The following SORCS2 variants were observed in gnomAD, a reference collection of about 807,000 sequenced individuals.
SORCS2 encodes the protein VPS10 domain-containing receptor SorCS2.
In SORCS2, 100 loss-of-function variants were observed where a neutral mutation model predicts 141.6. That is an observed-to-expected ratio of 0.71 (90% CI 0.60 to 0.83). The LOEUF is 0.83. Among genes scored for constraint, SORCS2 ranks in the 40% least tolerant of loss-of-function variants. The pLI, the probability that SORCS2 is intolerant of heterozygous loss-of-function variation, is 0.00. For synonymous variants in SORCS2, 789 were observed against 676.9 expected, an observed-to-expected ratio of 1.17 and a Z score of -2.57; for missense variants, 1,646 against 1,560.2, an observed-to-expected ratio of 1.05 and a Z score of -0.93.
intron 11 of SORCS2, among the ~76,000 whole-genome samples, chr4:7,696,350 C>T (rs4689827): frequency 0.25 from 38,018 of 152,148 alleles, 5,316 homozygotes; most frequent in East Asian, 0.61. Flanking sequence ...TCTGTCTCAT[C>T]AGAAATCCTT....
At chr4:7,652,966 T>C (rs986729076) in intron 4 of SORCS2, among the ~76,000 whole-genome samples, 1 of 152,054 alleles carries the variant, frequency 6.6e-6, no homozygotes, top group African/African-American at 2.4e-5. Context: ...CCATTTAACA[T>C]TGTGCTCCCT....
chr4:7,196,191 T>C (rs1181114782), intron 1 of SORCS2, among the ~76,000 whole-genome samples: 1 of 152,182 alleles, frequency 6.6e-6, no homozygotes, highest in African/African-American at 2.4e-5. Context: ...AAACAAATTG[T>C]TATGTGTGAA....
chr4:7,640,696 G>A (rs903090994), intron 4 of SORCS2, among the ~76,000 whole-genome samples: 5 of 152,150 alleles, frequency 3.3e-5, no homozygotes, highest in East Asian at 1.9e-4. Context: ...CAGGTTCTAA[G>A]GATTAGGACA....
chr4:7,606,654 A>G (rs1196905398), intron 3 of SORCS2, among the ~76,000 whole-genome samples: 2 of 151,946 alleles, frequency 1.3e-5, no homozygotes, highest in Non-Finnish European at 2.9e-5. Context: ...TTGGGTCTGC[A>G]TTATCCTGTG....
intron 1 of SORCS2, among the ~76,000 whole-genome samples, chr4:7,343,128 T>C (rs1188968049): frequency 6.6e-6 from 1 of 152,190 alleles, no homozygotes; most frequent in African/African-American, 2.4e-5. Flanking sequence ...ACAGGAGCAT[T>C]AGGAGGGCAG....
intron 11 of SORCS2, among the ~76,000 whole-genome samples, chr4:7,692,852 C>T (rs1001122072): frequency 2.0e-5 from 3 of 152,124 alleles, no homozygotes; most frequent in African/African-American, 4.8e-5. Flanking sequence ...GCTGGGGTCT[C>T]GAGCTCGAGG....
intron 1 of SORCS2, among the ~76,000 whole-genome samples, chr4:7,261,499 C>T (rs1028210428): frequency 6.6e-6 from 1 of 152,224 alleles, no homozygotes; most frequent in Non-Finnish European, 1.5e-5. Context: ...TTGCTGTTTA[C>T]TCCTTCCTTT....
chr4:7,737,539 G>A (rs756843727), intron 26 of SORCS2, among the ~76,000 whole-genome samples: 6 of 152,186 alleles, frequency 3.9e-5, no homozygotes, highest in Admixed American at 6.5e-5. Context: ...TTCCCCCACA[G>A]CCGCTCCCTC....
intron 9 of SORCS2, among the ~76,000 whole-genome samples, chr4:7,682,335 T>G (rs895282583): frequency 5.3e-5 from 8 of 152,034 alleles, no homozygotes; most frequent in African/African-American, 1.9e-4. Context: ...CCAGGATGTG[T>G]GGTCCAATAG....
At chr4:7,245,661 G>C (rs1713034142) in intron 1 of SORCS2, among the ~76,000 whole-genome samples, 1 of 152,230 alleles carries the variant, frequency 6.6e-6, no homozygotes, top group South Asian at 2.1e-4. Flanking sequence ...ATTGGTGGTG[G>C]TGGTGTTATG....
chr4:7,409,007 TA>T (rs1725141658), intron 2 of SORCS2, among the ~76,000 whole-genome samples: 1 of 152,200 alleles, frequency 6.6e-6, no homozygotes, highest in Non-Finnish European at 1.5e-5. Context: ...GAAGTTTTCT[TA>T]AAGATGCAGT....
At chr4:7,638,607 G>A (rs1577878270) in intron 4 of SORCS2, 115 bp downstream of exon 4, 1 of 1,140,238 alleles carries the variant, frequency 8.8e-7, no homozygotes, top group Non-Finnish European at 1.2e-6. Flanking sequence ...GCTGGCTGAG[G>A]AGGAGCCTCC....
intron 3 of SORCS2, among the ~76,000 whole-genome samples, chr4:7,547,668 C>G (rs1034512652): frequency 1.3e-5 from 2 of 152,212 alleles, no homozygotes; most frequent in Non-Finnish European, 2.9e-5. Context: ...CCCTCCCAAC[C>G]CCAGATCAGC....
chr4:7,626,163 TATAA>T (rs935818997), intron 3 of SORCS2, among the ~76,000 whole-genome samples: 3 of 151,870 alleles, frequency 2.0e-5, no homozygotes, highest in African/African-American at 7.2e-5. Flanking sequence ...AATAAATAAA[TATAA>T]ATAAATAAAT....
At chr4:7,623,368 G>A (rs1158460765) in intron 3 of SORCS2, among the ~76,000 whole-genome samples, 1 of 152,052 alleles carries the variant, frequency 6.6e-6, no homozygotes, top group African/African-American at 2.4e-5. Context: ...GGCTTTGAAA[G>A]CTCACCATGC....
intron 1 of SORCS2, among the ~76,000 whole-genome samples, chr4:7,365,515 T>A (rs78341267): frequency 0.011 from 1,625 of 152,168 alleles, 37 homozygotes; most frequent in East Asian, 0.095. Flanking sequence ...GTTGTTGCTT[T>A]CAAATGTTTT....
intron 3 of SORCS2, among the ~76,000 whole-genome samples, chr4:7,576,626 G>T (rs529862129): frequency 6.6e-6 from 1 of 152,220 alleles, no homozygotes; most frequent in African/African-American, 2.4e-5. Flanking sequence ...GATCTAAGAC[G>T]TGGTGACAGA....
intron 1 of SORCS2, among the ~76,000 whole-genome samples, chr4:7,293,557 T>C (rs1314329576): frequency 1.3e-5 from 2 of 152,186 alleles, no homozygotes; most frequent in Non-Finnish European, 2.9e-5. Flanking sequence ...ATCTTTTCCC[T>C]AGGAGAGATT....
At chr4:7,478,895 C>T (rs1730461503) in intron 2 of SORCS2, among the ~76,000 whole-genome samples, 1 of 152,204 alleles carries the variant, frequency 6.6e-6, no homozygotes, top group Non-Finnish European at 1.5e-5. Flanking sequence ...GGCAGGGGGC[C>T]TCGGCCAAGT....
Sources: gnomAD v4.1 joint callset for allele counts (sites outside exome capture counted in the v4.1 genomes callset) on GRCh38, gnomAD v4.1.1 for gene constraint, MANE v1.5 for transcripts, NCBI Gene and HGNC (gene_info 2026-07-23, HGNC 2026-07-21) for gene names.